The following EIF3H variants were observed in gnomAD, a reference collection of about 807,000 sequenced individuals.
The protein encoded by EIF3H is eukaryotic translation initiation factor 3 subunit H, also known as eIF-3-gamma.
Under a neutral mutation model 44.2 loss-of-function variants are expected in EIF3H, and 26 were observed. That is an observed-to-expected ratio of 0.59 (90% CI 0.43 to 0.82). The LOEUF (loss-of-function observed/expected upper bound fraction) is 0.82. Ranked by LOEUF, EIF3H falls within the 40% of genes least tolerant of loss-of-function variation. The pLI, the probability that EIF3H is intolerant of heterozygous loss-of-function variation, is 0.00. For missense variants in EIF3H, 359 were observed against 432.8 expected (o/e 0.83, Z 1.51); for synonymous variants, 166 against 151.9 (o/e 1.09, Z -0.68).
chr8:116,756,668 T>C (rs1029323150), upstream of EIF3H, among the ~76,000 whole-genome samples: 2 of 152,218 alleles, frequency 1.3e-5, no homozygotes, highest in Admixed American at 6.5e-5. Flanking sequence ...GCCCTGAAGT[T>C]TTTTGTTGTT....
chr8:116,644,180 A>T lies in EIF3H; in HGVS notation c.*826T>A, dbSNP rs1813263280. 6.6e-6 allele frequency: 1 copy of T among 152,356 alleles called. No homozygotes were observed. The highest frequency in any genetic ancestry group is 1.9e-4 in the East Asian group (1 of 5,188). The allele number at this position is 152,356 out of a possible 1,614,324, so 9.4% of individuals were successfully genotyped here. On this transcript the variant is annotated 3_prime_UTR_variant, in exon 8 of 8. Coordinates refer to ENST00000521861, the MANE Select transcript of EIF3H (RefSeq NM_003756.3). ...AGAAGCAGGTGAATCACTTGAGGTC[A>T]GGAGATGCAGACCAGCCTGGCCAAC...
At chr8:116,671,129 T>TATAA (rs1423051802) in intron 2 of EIF3H, among the ~76,000 whole-genome samples, 2 of 152,230 alleles carry the variant, frequency 1.3e-5, no homozygotes, top group African/African-American at 4.8e-5. Context: ...ACTGTACGAC[T>TATAA]ATAAATAAAT....
chr8:116,678,255 G>A (rs1813886040), intron 2 of EIF3H, among the ~76,000 whole-genome samples: 2 of 151,864 alleles, frequency 1.3e-5, no homozygotes, highest in South Asian at 4.1e-4. Context: ...TCGGCCTCCC[G>A]AGGTGCCGGG....
intron 1 of EIF3H, among the ~76,000 whole-genome samples, chr8:116,729,826 G>A (rs149604562): frequency 6.6e-6 from 1 of 152,264 alleles, no homozygotes; most frequent in African/African-American, 2.4e-5. Context: ...GCTGCTTAGA[G>A]GATTAGTCTT....
At chr8:116,650,986 C>T (rs931505965) in intron 5 of EIF3H, among the ~76,000 whole-genome samples, 1 of 152,108 alleles carries the variant, frequency 6.6e-6, no homozygotes, top group Admixed American at 6.5e-5. Context: ...TAGAAAGTGA[C>T]TAGAGGCTGC....
chr8:116,762,750 C>T (rs1250718548), intron 1 of EIF3H, among the ~76,000 whole-genome samples: 1 of 152,142 alleles, frequency 6.6e-6, no homozygotes, highest in African/African-American at 2.4e-5. Flanking sequence ...CCTGGCCAGC[C>T]TGGCCAGCAT....
intron 5 of EIF3H, among the ~76,000 whole-genome samples, chr8:116,652,732 CAT>C (rs1353512959): frequency 1.4e-5 from 2 of 147,524 alleles, no homozygotes; most frequent in Non-Finnish European, 3.0e-5. Context: ...AAAATTTAAA[CAT>C]AAATTTTTAA....
Position 116,755,766 on chromosome 8 carries a change from G to A in EIF3H, c.32C>T (p.Thr11Ile), listed in dbSNP as rs561101503. 12 of 1,613,976 alleles carry A rather than the reference G, an allele frequency of 7.4e-6. No individual in the cohort carries two copies. The highest frequency in any genetic ancestry group is 1.0e-5 in the Non-Finnish European group (12 of 1,180,038). Residue 11 changes from threonine (T) to isoleucine (I), a missense_variant, in exon 1 of 8, where the codon ACT becomes ATT. Around this residue, in one of 5 missense-constraint regions of EIF3H, gnomAD observed 59 missense variants for 33.5 expected, o/e 1.76. Transcript: ENST00000521861. ...GGCGGTGGAGCTGGAAGAGGTGGCA[G>A]TAGAGCCGGTACCTTCCTTGCGGGA... Reference protein sequence around the residue: MASRKEGTGSTATSSSSTAGA... With the variant: MASRKEGTGSIATSSSSTAGA...
chr8:116,712,930 T>C (rs1188614653), intron 2 of EIF3H, among the ~76,000 whole-genome samples: 2 of 152,056 alleles, frequency 1.3e-5, no homozygotes, highest in Admixed American at 6.6e-5. Flanking sequence ...CCATTTCTCC[T>C]GGGCAAGATA....
intron 2 of EIF3H, among the ~76,000 whole-genome samples, chr8:116,666,935 A>G (rs540811859): frequency 9.8e-5 from 15 of 152,310 alleles, no homozygotes; most frequent in African/African-American, 3.6e-4. Flanking sequence ...AAAAGTCACA[A>G]CTACTGGGAA....
intron 1 of EIF3H, among the ~76,000 whole-genome samples, chr8:116,744,435 C>T (rs1815197684): frequency 6.6e-6 from 1 of 152,148 alleles, no homozygotes; most frequent in Admixed American, 6.5e-5. Context: ...CAATTTTTCT[C>T]TTATATGCTT....
At chr8:116,737,216 C>T in intron 1 of EIF3H, 1 of 436,722 alleles carries the variant, frequency 2.3e-6, no homozygotes, top group Non-Finnish European at 4.5e-6. Flanking sequence ...GACAGGTAGG[C>T]ATTTGAAAAG....
At chr8:116,674,067 C>CAAAAAAAAAAAAAAAAAAAAAAAA (rs59899280) in intron 2 of EIF3H, among the ~76,000 whole-genome samples, 1 of 49,660 alleles carries the variant, frequency 2.0e-5, no homozygotes, top group African/African-American at 9.2e-5. Context: ...AAGACTGTCT[C>CAAAAAAAAAAAAAAAAAAAAAAAA]AAAAAAAAAA....
chr8:116,746,872 A>C (rs918866304), intron 1 of EIF3H, among the ~76,000 whole-genome samples: 22 of 152,210 alleles, frequency 1.4e-4, no homozygotes, highest in African/African-American at 5.3e-4. Context: ...TCACAGCAAA[A>C]AAAAACCTGA....
chr8:116,665,513 A>G (rs1200551210), intron 2 of EIF3H, among the ~76,000 whole-genome samples: 1 of 152,174 alleles, frequency 6.6e-6, no homozygotes, highest in Non-Finnish European at 1.5e-5. Flanking sequence ...ACAAAGCTCA[A>G]TCAGGAGATG....
At chr8:116,653,307 TTTATA>T (rs1241183078) in intron 5 of EIF3H, among the ~76,000 whole-genome samples, 4 of 146,296 alleles carry the variant, frequency 2.7e-5, no homozygotes, top group Non-Finnish European at 6.0e-5. Context: ...TTTCATAACT[TTTATA>T]TTATGATAAT....
chr8:116,729,479 G>C (rs560484691), intron 1 of EIF3H, among the ~76,000 whole-genome samples: 4 of 152,322 alleles, frequency 2.6e-5, no homozygotes, highest in African/African-American at 9.6e-5. Flanking sequence ...CACCAGGCTT[G>C]ACATGCTTGC....
chr8:116,680,966 T>A (rs1325614538), intron 2 of EIF3H, among the ~76,000 whole-genome samples: 1 of 131,714 alleles, frequency 7.6e-6, no homozygotes, highest in East Asian at 2.2e-4. Context: ...ATGTGGAATT[T>A]ATAAATTAAA....
rs1951679329 is a variant in EIF3H, at chr8:116,678,880, C to T, written c.290-19900G>A. 6.4e-5 allele frequency among the ~76,000 whole-genome samples: 9 copies of T among 140,136 alleles called. No homozygotes were observed. The South Asian group carries it at 1.7e-3, about 26-fold the overall frequency. The allele number at this position is 140,136 out of a possible 152,430, so 91.9% of individuals were successfully genotyped here. ...GGGAGGTGGGGGGGGGTCAGCCCCC[C>T]GCCCGGCCAGCCGCCCCGTCCGGGA... On this transcript the variant is annotated intron_variant, in intron 2 of 7. Coordinates refer to ENST00000521861, the MANE Select transcript of EIF3H (RefSeq NM_003756.3).
Sources: allele counts gnomAD v4.1 joint callset (sites outside exome capture counted in the v4.1 genomes callset), GRCh38; gene constraint gnomAD v4.1.1; regional missense constraint gnomAD v4.1.1; transcripts MANE v1.5; gene names NCBI Gene and HGNC (gene_info 2026-07-23, HGNC 2026-07-21).